The following MAGED1 variants were observed in gnomAD, a reference collection of about 807,000 sequenced individuals.
The protein encoded by MAGED1 is melanoma-associated antigen D1.
A neutral mutation model predicts 54.1 loss-of-function variants in MAGED1; 3 were observed. The ratio of observed to expected loss-of-function variants is 0.06; its 90% CI spans 0.03 to 0.14. The LOEUF (loss-of-function observed/expected upper bound fraction) is 0.14. MAGED1 is among the 10% of genes least tolerant of loss of function. MAGED1 has a pLI of 1.00. For synonymous variants in MAGED1, 217 were observed against 227.3 expected, an observed-to-expected ratio of 0.95 and a Z score of 0.41; for missense variants, 485 against 623.4, an observed-to-expected ratio of 0.78 and a Z score of 2.36.
intron 1 of MAGED1, among the ~76,000 whole-genome samples, chrX:51,866,244 G>T (rs1268761413): frequency 1.8e-5 from 2 of 111,945 alleles, no homozygotes; most frequent in East Asian, 5.6e-4. Context: ...CTCTCTGACT[G>T]CTGAAACTTT....
chrX:51,805,576 A>G (rs1463164224), intron 1 of MAGED1, among the ~76,000 whole-genome samples: 1 of 110,219 alleles, frequency 9.1e-6, no homozygotes, highest in Non-Finnish European at 1.9e-5. Context: ...AGGTGCTTGA[A>G]TTACTCCCTA....
chrX:51,861,165 T>TA (rs782521072), intron 1 of MAGED1, among the ~76,000 whole-genome samples: 1 of 111,965 alleles, frequency 8.9e-6, no homozygotes, highest in East Asian at 2.8e-4. Flanking sequence ...TTGGCCTCAT[T>TA]AATTTTAGTA....
intron 1 of MAGED1, among the ~76,000 whole-genome samples, chrX:51,827,405 G>T (rs187599864): frequency 8.9e-6 from 1 of 112,234 alleles, no homozygotes; most frequent in Admixed American, 9.4e-5. Context: ...ATGAATAGAC[G>T]GAGCACATGG....
chrX:51,898,080 C>T, intron 7 of MAGED1, 34 bp from the exon 8 acceptor site: 1 of 1,158,176 alleles, frequency 8.6e-7, no homozygotes. Context: ...ATGCAAATGG[C>T]TACTGAAAAT....
Position 51,874,809 on chromosome X carries a change from T to C in MAGED1, c.-36-19460T>C, listed in dbSNP as rs1485632324. On this transcript the variant is annotated intron_variant, in intron 1 of 12. Coordinates refer to the MAGED1 transcript ENST00000375772. ...CTCCTCAAGATGGGTCCTATTTTTC[T>C]GCTTCTTGGTATGCCTGGTTTTTTT... Among the ~76,000 whole-genome samples the C allele has an allele frequency of 7.2e-5, 8 of 110,975 alleles. No homozygotes were observed. The Admixed American group carries it at 7.7e-4, about 11-fold the overall frequency.
intron 1 of MAGED1, among the ~76,000 whole-genome samples, chrX:51,845,016 G>A (rs1926631791): frequency 9.0e-6 from 1 of 111,218 alleles, no homozygotes; most frequent in South Asian, 3.8e-4. Context: ...GGAGGAACAC[G>A]AGGTCAAGAG....
intron 1 of MAGED1, among the ~76,000 whole-genome samples, chrX:51,847,666 C>T (rs1299057252): frequency 1.8e-5 from 2 of 111,730 alleles, no homozygotes; most frequent in Non-Finnish European, 3.8e-5. Flanking sequence ...GGCTCCTCCC[C>T]ACTGCAAAGA....
At chrX:51,837,865 A>G (rs1926308352) in intron 1 of MAGED1, among the ~76,000 whole-genome samples, 1 of 112,630 alleles carries the variant, frequency 8.9e-6, no homozygotes, top group Admixed American at 9.4e-5. Flanking sequence ...CTCTTAACTA[A>G]TATGAGAGTA....
At chrX:51,838,924 G>A (rs1351191334) in intron 1 of MAGED1, among the ~76,000 whole-genome samples, 1 of 110,862 alleles carries the variant, frequency 9.0e-6, no homozygotes, top group Non-Finnish European at 1.9e-5. Flanking sequence ...TGTTTAGCAT[G>A]TTTCAGCAAA....
At chrX:51,833,234 G>A (rs1386729990) in intron 1 of MAGED1, among the ~76,000 whole-genome samples, 1 of 108,469 alleles carries the variant, frequency 9.2e-6, no homozygotes, top group Non-Finnish European at 1.9e-5. Flanking sequence ...GGTAAAAAGT[G>A]GTAGAAATTA....
At chrX:51,898,025 A>G (rs782317214) in intron 7 of MAGED1, 89 bp from the exon 8 acceptor site, 549 of 930,726 alleles carry the variant, frequency 5.9e-4, no homozygotes, top group Non-Finnish European at 7.5e-4. Flanking sequence ...CCCCTAGCTG[A>G]GGAATATTGG....
intron 1 of MAGED1, among the ~76,000 whole-genome samples, chrX:51,825,376 C>T (rs181191894): frequency 1.8e-5 from 2 of 111,859 alleles, no homozygotes; most frequent in African/African-American, 3.2e-5. Flanking sequence ...CTCACTTGGC[C>T]GTATTTGTGA....
At chrX:51,827,025 G>A (rs1311100963) in intron 1 of MAGED1, among the ~76,000 whole-genome samples, 2 of 111,975 alleles carry the variant, frequency 1.8e-5, no homozygotes, top group Non-Finnish European at 3.8e-5. Context: ...GCGTCCAGAC[G>A]ATGGAGTTTA....
intron 1 of MAGED1, among the ~76,000 whole-genome samples, chrX:51,871,395 T>G (rs1180246128): frequency 1.8e-5 from 2 of 109,978 alleles, no homozygotes; most frequent in African/African-American, 6.6e-5. Flanking sequence ...TTACATTAGG[T>G]ATATCTCCTA....
intron 9 of MAGED1, 25 bp from the exon 10 acceptor site, chrX:51,898,556 G>A: frequency 8.4e-7 from 1 of 1,186,993 alleles, no homozygotes; most frequent in Non-Finnish European, 1.1e-6. Context: ...GCCTCTGATT[G>A]TGGGTTTCCT....
At chrX:51,891,587 A>G (rs1248121701), upstream of MAGED1, among the ~76,000 whole-genome samples, 2 of 112,588 alleles carry the variant, frequency 1.8e-5, no homozygotes, top group Non-Finnish European at 3.7e-5. Flanking sequence ...TGTGCCAGGC[A>G]TGGTTCTAGG....
chrX:51,832,988 A>G (rs1016178949), intron 1 of MAGED1, among the ~76,000 whole-genome samples: 1 of 111,860 alleles, frequency 8.9e-6, no homozygotes, highest in Non-Finnish European at 1.9e-5. Flanking sequence ...AGGTCAAGCA[A>G]TCTTATGTAG....
chrX:51,878,470 G>A (rs1415061291), intron 1 of MAGED1, among the ~76,000 whole-genome samples: 4 of 111,276 alleles, frequency 3.6e-5, no homozygotes, highest in Middle Eastern at 4.7e-3. Context: ...ATGGATGGTC[G>A]TTCAAGCAGA....
chrX:51,825,210 TG>T (rs1237671616), intron 1 of MAGED1, among the ~76,000 whole-genome samples: 2 of 110,321 alleles, frequency 1.8e-5, no homozygotes, highest in Non-Finnish European at 3.8e-5. Flanking sequence ...GAAGAGGCCA[TG>T]GAATTTCCAG....
Sources: gnomAD v4.1 joint callset for allele counts (sites outside exome capture counted in the v4.1 genomes callset) on GRCh38, gnomAD v4.1.1 for gene constraint, MANE v1.5 for transcripts, NCBI Gene and HGNC (gene_info 2026-07-23, HGNC 2026-07-21) for gene names.